The following EMC2 variants were observed in gnomAD, a reference collection of about 807,000 sequenced individuals.
The protein encoded by EMC2 is TPR repeat protein 35.
EMC2 carries 37 observed loss-of-function variants against 51.6 expected under a neutral mutation model. The observed-to-expected ratio is 0.72, with a 90% confidence interval of 0.55 to 0.94. The LOEUF is 0.94. Ranked by LOEUF, EMC2 falls within the 40% of genes least tolerant of loss-of-function variation. The pLI, the probability that EMC2 is intolerant of heterozygous loss-of-function variation, is 0.00. For missense variants in EMC2, 359 were observed against 350.9 expected (o/e 1.02, Z -0.18); for synonymous variants, 131 against 112.4 (o/e 1.17, Z -1.04).
Position 108,470,050 on chromosome 8 carries a change from T to C in EMC2, c.450-12T>C, listed in dbSNP as rs566438057. The C allele has an allele frequency of 3.1e-6, 5 of 1,611,544 alleles. No individual in the cohort carries two copies. The South Asian group carries it at 5.5e-5, about 18-fold the overall frequency. On this transcript the variant is annotated splice_polypyrimidine_tract_variant and intron_variant, in intron 6 of 10. Transcript: ENST00000220853. ...TCTACACACTTACTTTTTTTTCTTT[T>C]CCTCTCACCAGATTTGTTGGAGACC...
intron 7 of EMC2, among the ~76,000 whole-genome samples, chr8:108,473,348 C>G (rs1037036146): frequency 6.6e-6 from 1 of 151,888 alleles, no homozygotes; most frequent in Non-Finnish European, 1.5e-5. Context: ...ACTTTGAGTG[C>G]CAACATGATG....
chr8:108,472,171 A>G (rs1351056027), intron 7 of EMC2, among the ~76,000 whole-genome samples: 1 of 152,028 alleles, frequency 6.6e-6, no homozygotes, highest in Non-Finnish European at 1.5e-5. Context: ...GCTTAAAAAT[A>G]TATCACCTTT....
At chr8:108,473,680 T>C (rs568323900) in intron 7 of EMC2, among the ~76,000 whole-genome samples, 2 of 147,210 alleles carry the variant, frequency 1.4e-5, no homozygotes, top group South Asian at 4.3e-4. Context: ...ATCAACGGAA[T>C]TACCACAATT....
At chr8:108,477,246 A>AT (rs1810963559) in intron 9 of EMC2, among the ~76,000 whole-genome samples, 1 of 151,996 alleles carries the variant, frequency 6.6e-6, no homozygotes, top group Admixed American at 6.6e-5. Flanking sequence ...TGTATGAGGT[A>AT]TTTTTAAACA....
intron 5 of EMC2, among the ~76,000 whole-genome samples, chr8:108,456,360 A>C (rs957011667): frequency 4.7e-5 from 7 of 149,912 alleles, no homozygotes. Context: ...AAAAAAAAAA[A>C]ACAACTTCTA....
chr8:108,476,889 T>A lies in EMC2; in HGVS notation c.699T>A (p.Tyr233Ter). Reference protein sequence around the residue: ...NRNMRALFGLYMSASHIASNP... With the variant: ...NRNMRALFGL ...ATATGAGAGCTTTGTTTGGACTTTA[T>A]ATGGTGAGTTGAGGTGCATGTTTAA... Residue 233 changes from tyrosine (Y) to a stop codon, truncating the protein, a stop_gained, in exon 9 of 11, where the codon TAT becomes TAA. Coordinates refer to ENST00000220853, the MANE Select transcript of EMC2 (RefSeq NM_014673.5). LOFTEE classifies it high-confidence loss of function. 1 of 1,414,876 alleles carries A rather than the reference T, an allele frequency of 7.1e-7. No homozygotes were observed. Among genetic ancestry groups the A allele is most frequent in the Non-Finnish European group, 1.0e-6 (1 of 999,008 alleles). 87.6% of individuals were successfully genotyped at this position (1,414,876 alleles called of 1,614,324 possible). A position where few individuals can be genotyped will look rare whatever the true frequency, so the allele number is the denominator to read the frequency against.
At chr8:108,479,623 G>A (rs72668959) in intron 10 of EMC2, among the ~76,000 whole-genome samples, 1,589 of 151,982 alleles carry the variant, frequency 0.01, 14 homozygotes, top group Middle Eastern at 0.02. Flanking sequence ...ATTATTTTTC[G>A]TTAGAAATTT....
chr8:108,465,268 TA>T (rs1241743740), intron 5 of EMC2, among the ~76,000 whole-genome samples: 3 of 152,198 alleles, frequency 2.0e-5, no homozygotes, highest in Admixed American at 2.0e-4. Flanking sequence ...GGGAAAATCT[TA>T]CAGGAGCATG....
At chr8:108,455,252 C>G (rs1586178295) in intron 4 of EMC2, among the ~76,000 whole-genome samples, 1 of 151,778 alleles carries the variant, frequency 6.6e-6, no homozygotes, top group South Asian at 2.1e-4. Flanking sequence ...TATTATTTTT[C>G]TCTTTTTATT....
Position 108,486,559 on chromosome 8 carries a change from C to T in EMC2, c.855C>T (p.Val285=), listed in dbSNP as rs758596346. 4.4e-6 allele frequency: 7 copies of T among 1,590,574 alleles called. No individual in the cohort carries two copies. Among genetic ancestry groups the T allele is most frequent in the South Asian group, 2.3e-5 (2 of 88,042 alleles). The change falls in exon 11 of 11, where the codon GTC becomes GTT. Residue 285 remains valine (V), a synonymous_variant. Transcript: ENST00000220853. ...AAACCAAATATTCTCTTAAGGCTGTCGAAGACATGTTGGAAACATTGCAGA... is the reference window on the plus strand; with the variant it reads ...AAACCAAATATTCTCTTAAGGCTGTTGAAGACATGTTGGAAACATTGCAGA... ...KKETKYSLKA[V]EDMLETLQIT... is the part of the protein sequence containing the mutation.
chr8:108,468,994 G>A (rs191538519), intron 5 of EMC2, among the ~76,000 whole-genome samples: 74 of 151,986 alleles, frequency 4.9e-4, no homozygotes, highest in Non-Finnish European at 8.2e-4. Flanking sequence ...ATGTGGGACC[G>A]TCTTTGCTTT....
Position 108,469,759 on chromosome 8 carries a change from A to G in EMC2, c.364-67A>G, listed in dbSNP as rs1480390157. ...ATTGAGATAATAATTTGCACAGTCAAATTACCTTCTTTACAAAACCCCAAG... is the reference window on the plus strand; with the variant it reads ...ATTGAGATAATAATTTGCACAGTCAGATTACCTTCTTTACAAAACCCCAAG... On this transcript the variant is annotated intron_variant, in intron 5 of 10. Transcript: ENST00000220853. 2.9e-6 allele frequency: 4 copies of G among 1,358,384 alleles called. No individual in the cohort carries two copies. In the East Asian group the frequency reaches 6.9e-5, roughly 23 times the overall value. 84.1% of individuals were successfully genotyped at this position (1,358,384 alleles called of 1,614,324 possible).
intron 9 of EMC2, among the ~76,000 whole-genome samples, chr8:108,477,176 T>A (rs1215407886): frequency 6.6e-6 from 1 of 152,150 alleles, no homozygotes; most frequent in South Asian, 2.1e-4. Flanking sequence ...ACATGATTTC[T>A]TGTTTTGATA....
chr8:108,446,892 A>G (rs1263818612), intron 1 of EMC2, among the ~76,000 whole-genome samples: 2 of 152,164 alleles, frequency 1.3e-5, no homozygotes. Flanking sequence ...TAAGGTGTTT[A>G]TAGGTAAAAT....
chr8:108,453,017 T>G (rs770809368), intron 3 of EMC2, 45 bp from the exon 4 acceptor site: 71 of 1,052,492 alleles, frequency 6.7e-5, no homozygotes, highest in Non-Finnish European at 9.1e-5. Flanking sequence ...TTGTAGCCCA[T>G]TTAGTATAAA....
Position 108,453,120 on chromosome 8 carries a change from C to T in EMC2, c.278C>T (p.Thr93Ile), listed in dbSNP as rs1372382418. The T allele has an allele frequency of 6.2e-7, 1 of 1,607,788 alleles. No individual in the cohort carries two copies. ...FPGSHRVKRL[T>I]GMRFEAMERY... ...GGCAGTCACAGAGTCAAGCGATTAA[C>T]AGGCATGAGATTTGAAGCCATGGAA... Residue 93 changes from threonine to isoleucine, a missense_variant, in exon 4 of 11, where the codon ACA becomes ATA. Thr to Ile is a moderately conservative substitution (Grantham distance 89). Transcript: ENST00000220853.
chr8:108,482,353 C>T (rs1030998721), intron 10 of EMC2, among the ~76,000 whole-genome samples: 1 of 152,044 alleles, frequency 6.6e-6, no homozygotes, highest in Non-Finnish European at 1.5e-5. Context: ...TATGTATAAG[C>T]AAATATGTAT....
intron 1 of EMC2, among the ~76,000 whole-genome samples, chr8:108,449,549 G>T (rs1389442382): frequency 6.6e-6 from 1 of 152,188 alleles, no homozygotes; most frequent in Non-Finnish European, 1.5e-5. Context: ...TGGCATTACT[G>T]ATGTAAGCCA....
chr8:108,459,054 C>T (rs1034322470), intron 5 of EMC2, among the ~76,000 whole-genome samples: 3 of 152,190 alleles, frequency 2.0e-5, no homozygotes, highest in African/African-American at 4.8e-5. Context: ...CAAAATGCCA[C>T]CAGTCTCTTT....
Sources: gnomAD v4.1 joint callset for allele counts (sites outside exome capture counted in the v4.1 genomes callset) on GRCh38, gnomAD v4.1.1 for gene constraint, MANE v1.5 for transcripts, NCBI Gene and HGNC (gene_info 2026-07-23, HGNC 2026-07-21) for gene names.